ABL2: variants seen among roughly 807,000 people sequenced by gnomAD.
The protein encoded by ABL2 is ABL proto-oncogene 2, non-receptor tyrosine kinase.
In ABL2, 49 loss-of-function variants were observed where a neutral mutation model predicts 107.7. That is an observed-to-expected ratio of 0.45 (90% CI 0.36 to 0.58). The LOEUF (loss-of-function observed/expected upper bound fraction) is 0.58, where lower values mean the gene tolerates loss of function less well. Ranked by LOEUF, ABL2 falls within the 20% of genes least tolerant of loss-of-function variation. The probability of loss-of-function intolerance (pLI) is 0.00; values close to 1 mark genes in which losing one functional copy is unlikely to be tolerated. For missense variants in ABL2, 1,245 were observed against 1,457.0 expected (o/e 0.85, Z 2.37); for synonymous variants, 549 against 548.6 (o/e 1.00, Z -0.01).
At chr1:179,124,874 C>T (rs1202470840) in intron 4 of ABL2, among the ~76,000 whole-genome samples, 2 of 152,194 alleles carry the variant, frequency 1.3e-5, no homozygotes, top group African/African-American at 4.8e-5. Context: ...CCATAAAATT[C>T]ATCATTTTAA....
chr1:179,155,621 C>T (rs544604852), intron 1 of ABL2, among the ~76,000 whole-genome samples: 8 of 151,844 alleles, frequency 5.3e-5, no homozygotes, highest in Non-Finnish European at 1.0e-4. Flanking sequence ...GTCCCAGCTA[C>T]TCAGGAGGCT....
At chr1:179,188,947 T>A (rs1249150809) in intron 1 of ABL2, among the ~76,000 whole-genome samples, 1 of 152,182 alleles carries the variant, frequency 6.6e-6, no homozygotes, top group Non-Finnish European at 1.5e-5. Flanking sequence ...TGTATACCCC[T>A]TAAATCTTGA....
At chr1:179,222,893 T>A (rs531907346) in intron 1 of ABL2, among the ~76,000 whole-genome samples, 2 of 151,698 alleles carry the variant, frequency 1.3e-5, no homozygotes, top group South Asian at 4.2e-4. Context: ...GGCGGATCAT[T>A]TGAGGCCAGG....
At chr1:179,146,795 G>C (rs1364238427) in intron 1 of ABL2, among the ~76,000 whole-genome samples, 1 of 151,856 alleles carries the variant, frequency 6.6e-6, no homozygotes, top group Non-Finnish European at 1.5e-5. Context: ...TCTGCCATGA[G>C]GAAAAAGGAA....
chr1:179,217,583 G>C (rs933930922), intron 1 of ABL2, among the ~76,000 whole-genome samples: 2 of 141,688 alleles, frequency 1.4e-5, no homozygotes, highest in African/African-American at 5.3e-5. Flanking sequence ...CCTCGATCGT[G>C]CCATTGCACT....
At chr1:179,159,968 G>T (rs1223849175) in intron 1 of ABL2, among the ~76,000 whole-genome samples, 1 of 151,968 alleles carries the variant, frequency 6.6e-6, no homozygotes, top group Non-Finnish European at 1.5e-5. Context: ...GCAAAAATTA[G>T]CTGGGTATGA....
chr1:179,187,001 G>A lies in ABL2; in HGVS notation c.157+42240C>T, dbSNP rs141525200. Among the ~76,000 whole-genome samples, 1,396 of 152,168 alleles carry A rather than the reference G, an allele frequency of 9.2e-3. 14 individuals are homozygous for A. Among genetic ancestry groups the A allele is most frequent in the Admixed American group, 0.018 (268 of 15,278 alleles). ...ATCCACCTGCCCCCACAAAGTGCTG[G>A]GATTACTGTTGTGAGCCACCACGCC... is the stretch of plus-strand genomic sequence containing the variant. On this transcript the variant is annotated intron_variant, in intron 1 of 11. Transcript: ENST00000502732.
At chr1:179,160,312 A>G (rs778078012) in intron 1 of ABL2, among the ~76,000 whole-genome samples, 2 of 152,034 alleles carry the variant, frequency 1.3e-5, no homozygotes, top group South Asian at 2.1e-4. Context: ...CCAGGAGTTC[A>G]AGACCAGCCT....
At chr1:179,197,556 C>CAAAAAAAAAAAAAAAAAAATAAAAAA (rs545832945) in intron 1 of ABL2, among the ~76,000 whole-genome samples, 1 of 75,936 alleles carries the variant, frequency 1.3e-5, no homozygotes, top group Non-Finnish European at 2.6e-5. Context: ...CTGCTTGGTT[C>CAAAAAAAAAAAAAAAAAAATAAAAAA]AAAAAAAAAA....
chr1:179,143,186 C>T, intron 1 of ABL2: 1 of 1,181,678 alleles, frequency 8.5e-7, no homozygotes, highest in Non-Finnish European at 1.1e-6. Context: ...AAATGGTGAG[C>T]ATTCACAATT....
intron 1 of ABL2, among the ~76,000 whole-genome samples, chr1:179,210,515 A>AAAG (rs1553233499): frequency 2.0e-5 from 3 of 149,348 alleles, no homozygotes; most frequent in Non-Finnish European, 4.4e-5. Context: ...AAAAAAAAAA[A>AAAG]AAAGAAAAAA....
In ABL2 at chr1:179,201,508, A is replaced by G. The variant is rs147201121; in HGVS notation, c.157+27733T>C. 5.4e-3 allele frequency: 1,476 copies of G among 272,288 alleles called. 46 individuals carry two copies. In the Admixed American group the frequency reaches 0.056, roughly 10 times the overall value. The allele number at this position is 272,288 out of a possible 1,614,324, so 16.9% of individuals were successfully genotyped here. A position where few individuals can be genotyped will look rare whatever the true frequency, so the allele number is the denominator to read the frequency against. ...AGTAATCCAAGGTGATTCCCTCTCC[A>G]AGGGGAACATCCAGTGCCCCTCTCA... is the stretch of plus-strand genomic sequence containing the variant. On this transcript the variant is annotated intron_variant, in intron 1 of 11. Coordinates refer to ENST00000502732, the MANE Select transcript of ABL2 (RefSeq NM_007314.4).
At chr1:179,185,988 T>A (rs975750523) in intron 1 of ABL2, among the ~76,000 whole-genome samples, 1 of 152,094 alleles carries the variant, frequency 6.6e-6, no homozygotes, top group African/African-American at 2.4e-5. Context: ...GCTCACCCTG[T>A]AATCCCAGCA....
intron 1 of ABL2, among the ~76,000 whole-genome samples, chr1:179,150,802 T>C (rs1658312576): frequency 6.6e-6 from 1 of 152,078 alleles, no homozygotes; most frequent in Non-Finnish European, 1.5e-5. Context: ...TGAAAGAAAG[T>C]GTCAACGGAT....
chr1:179,163,678 C>T (rs1476368461), intron 1 of ABL2, among the ~76,000 whole-genome samples: 2 of 152,172 alleles, frequency 1.3e-5, no homozygotes, highest in South Asian at 2.1e-4. Context: ...ACCCAGGAGG[C>T]GGAGGTTGCA....
chr1:179,118,985 C>T lies in ABL2; in HGVS notation c.1046-221G>A, dbSNP rs570271415. Reference sequence around the variant, plus strand: ...TTGTTCTCTGGGAATTCATATGCCTCTGAGTATTTGTCTATTTGAGCAAAA... The same window carrying T: ...TTGTTCTCTGGGAATTCATATGCCTTTGAGTATTTGTCTATTTGAGCAAAA... On this transcript the variant is annotated intron_variant, in intron 6 of 11. Transcript: ENST00000502732. Among the ~76,000 whole-genome samples the T allele has an allele frequency of 7.2e-5, 11 of 152,200 alleles. No homozygotes were observed. In the East Asian group the frequency reaches 2.1e-3, roughly 29 times the overall value.
chr1:179,153,642 G>GC (rs1334298935), intron 1 of ABL2, among the ~76,000 whole-genome samples: 2 of 152,054 alleles, frequency 1.3e-5, no homozygotes, highest in Non-Finnish European at 2.9e-5. Flanking sequence ...TCCAGGATAA[G>GC]CTCCCCATCA....
chr1:179,224,327 C>T (rs574120825), intron 1 of ABL2, among the ~76,000 whole-genome samples: 15 of 151,938 alleles, frequency 9.9e-5, no homozygotes, highest in Admixed American at 7.9e-4. Context: ...AGTGCAGGTG[C>T]GCGATCTCGG....
rs988220887 is a variant in ABL2 at position 179,103,287 on chromosome 1, T to C, written c.*4431A>G. 2 of 207,606 alleles carry C rather than the reference T, an allele frequency of 9.6e-6. No homozygotes were observed. The highest frequency in any genetic ancestry group is 2.3e-5 in the African/African-American group (1 of 44,012). 12.9% of individuals were successfully genotyped at this position (207,606 alleles called of 1,614,324 possible). The stretch of plus-strand genomic sequence containing the variant: ...GTTTCATATTTCTAAATGTGATAAA[T>C]GACAGAGGTGATTCTTACGTATCTA... On this transcript the variant is annotated 3_prime_UTR_variant, in exon 12 of 12. Transcript: ENST00000502732.
Sources: allele counts gnomAD v4.1 joint callset (sites outside exome capture counted in the v4.1 genomes callset), GRCh38; gene constraint gnomAD v4.1.1; transcripts MANE v1.5; gene names NCBI Gene and HGNC (gene_info 2026-07-23, HGNC 2026-07-21).